MARK3: variants seen among roughly 807,000 people sequenced by gnomAD.
MARK3 encodes the protein microtubule affinity regulating kinase 3.
Under a neutral mutation model 90.1 loss-of-function variants are expected in MARK3, and 46 were observed. The observed-to-expected ratio is 0.51, with a 90% confidence interval of 0.40 to 0.65. The LOEUF (loss-of-function observed/expected upper bound fraction) is 0.65. Ranked by LOEUF, MARK3 falls within the 30% of genes least tolerant of loss-of-function variation. The pLI, the probability that MARK3 is intolerant of heterozygous loss-of-function variation, is 0.00. For synonymous variants in MARK3, 321 were observed against 332.6 expected, an observed-to-expected ratio of 0.97 and a Z score of 0.38; for missense variants, 818 against 947.2, an observed-to-expected ratio of 0.86 and a Z score of 1.79.
chr14:103,480,344 T>G lies in MARK3; in HGVS notation c.1483-43T>G, dbSNP rs766078468. ...AAGTTCATTTTTTCTCATTGTACTG[T>G]ATTTACCAAATAAATTTAAGACAAA... On this transcript the variant is annotated intron_variant, in intron 13 of 17. Coordinates refer to ENST00000429436, the MANE Select transcript of MARK3 (RefSeq NM_001128918.3). The G allele has an allele frequency of 6.8e-6, 8 of 1,177,836 alleles. No individual in the cohort carries two copies. The East Asian group carries it at 1.6e-4, about 24-fold the overall frequency. The allele number at this position is 1,177,836 out of a possible 1,614,324, so 73.0% of individuals were successfully genotyped here. A position where few individuals can be genotyped will look rare whatever the true frequency, so the allele number is the denominator to read the frequency against.
At chr14:103,446,342 G>T (rs376092031) in intron 3 of MARK3, among the ~76,000 whole-genome samples, 1 of 152,022 alleles carries the variant, frequency 6.6e-6, no homozygotes, top group Non-Finnish European at 1.5e-5. Flanking sequence ...CCTGGCCAAC[G>T]TGGCAAAACC....
intron 4 of MARK3, among the ~76,000 whole-genome samples, chr14:103,451,049 G>T (rs1166841301): frequency 1.4e-5 from 2 of 147,430 alleles, no homozygotes; most frequent in Non-Finnish European, 3.0e-5. Flanking sequence ...TCCCACCTCA[G>T]CCTCCCGAGT....
chr14:103,432,549 G>A (rs1206239668), intron 3 of MARK3, among the ~76,000 whole-genome samples: 1 of 135,656 alleles, frequency 7.4e-6, no homozygotes, highest in Non-Finnish European at 1.7e-5. Flanking sequence ...GACAGGCAAA[G>A]GCTGAAGAAG....
chr14:103,402,065 C>A (rs2090996650), intron 1 of MARK3, among the ~76,000 whole-genome samples: 4 of 152,094 alleles, frequency 2.6e-5, no homozygotes, highest in African/African-American at 7.2e-5. Context: ...TAACATTCAG[C>A]AAAAATGTAT....
At chr14:103,424,458 C>T (rs1025507854) in intron 2 of MARK3, among the ~76,000 whole-genome samples, 3 of 150,354 alleles carry the variant, frequency 2.0e-5, no homozygotes, top group Non-Finnish European at 4.4e-5. Flanking sequence ...CTGCGGAAGT[C>T]GAGGCTGCAA....
At chr14:103,395,204 A>G (rs987377949) in intron 1 of MARK3, among the ~76,000 whole-genome samples, 3 of 152,238 alleles carry the variant, frequency 2.0e-5, no homozygotes, top group Non-Finnish European at 4.4e-5. Context: ...AATGGACCTC[A>G]TAAGATGGAG....
Position 103,387,935 on chromosome 14 carries a change from C to T in MARK3, c.51+1855C>T, listed in dbSNP as rs545982611. ...GAAGGATTTCAAATGGGTCTTTTTT[C>T]TTTCTTTCTTTTTTGAGATGGAGTC... On this transcript the variant is annotated intron_variant, in intron 1 of 17. Transcript: ENST00000429436. 2.4e-4 allele frequency among the ~76,000 whole-genome samples: 37 copies of T among 151,358 alleles called. No individual in the cohort carries two copies. The East Asian group carries it at 7.3e-3, about 30-fold the overall frequency.
chr14:103,500,245 T>C, intron 17 of MARK3, 45 bp downstream of exon 17: 2 of 1,416,768 alleles, frequency 1.4e-6, no homozygotes, highest in Non-Finnish European at 1.9e-6. Context: ...AGGTGTTTAC[T>C]TCATTTCTGT....
chr14:103,431,459 C>T (rs539194574), intron 3 of MARK3, among the ~76,000 whole-genome samples: 1 of 151,978 alleles, frequency 6.6e-6, no homozygotes, highest in Non-Finnish European at 1.5e-5. Flanking sequence ...GGTGAAACCG[C>T]GTCTCTACTA....
chr14:103,395,070 G>A (rs1033138606), intron 1 of MARK3, among the ~76,000 whole-genome samples: 1 of 152,182 alleles, frequency 6.6e-6, no homozygotes, highest in Non-Finnish European at 1.5e-5. Context: ...ATGAGCCACA[G>A]CGCCTGGCCA....
At chr14:103,445,794 TG>T (rs2092979473) in intron 3 of MARK3, among the ~76,000 whole-genome samples, 1 of 152,220 alleles carries the variant, frequency 6.6e-6, no homozygotes, top group Non-Finnish European at 1.5e-5. Context: ...TCTGCTGTAC[TG>T]TTAGTAGAGA....
chr14:103,411,950 G>A (rs1478432271), intron 2 of MARK3, among the ~76,000 whole-genome samples: 1 of 39,220 alleles, frequency 2.5e-5, no homozygotes, highest in Non-Finnish European at 6.6e-5. Context: ...AATTTTCATA[G>A]CTTTTTTTTT....
chr14:103,478,296 A>G (rs1475280512), intron 13 of MARK3, among the ~76,000 whole-genome samples: 1 of 64,896 alleles, frequency 1.5e-5, no homozygotes, highest in Non-Finnish European at 3.9e-5. Context: ...CTCCATCTCA[A>G]AAAAAAAAAA....
intron 5 of MARK3, among the ~76,000 whole-genome samples, chr14:103,455,961 ATATC>A (rs1332933210): frequency 6.6e-6 from 1 of 152,226 alleles, no homozygotes; most frequent in Non-Finnish European, 1.5e-5. Flanking sequence ...GAAAACACTT[ATATC>A]TAATTTTCTA....
intron 6 of MARK3, among the ~76,000 whole-genome samples, chr14:103,461,977 A>T (rs527661815): frequency 3.0e-4 from 45 of 151,078 alleles, no homozygotes; most frequent in African/African-American, 1.0e-3. Context: ...GGGAGGTTGC[A>T]GTGAGCCAAG....
At position 103,467,145 on chromosome 14, in the gene MARK3, A is replaced by G. The variant is rs1595817590; in HGVS notation, c.1064A>G (p.Asp355Gly). 6.2e-7 allele frequency: 1 copy of G among 1,604,118 alleles called. No individual in the cohort carries two copies. Among genetic ancestry groups the G allele is most frequent in the Non-Finnish European group, 8.5e-7 (1 of 1,173,054 alleles). ...GAATCTCTTAGTAAGATGAAATACG[A>G]TGAAATCACAGCTACATATTTGTTA... ...IQESLSKMKY[D>G]EITATYLLLG... is the part of the protein sequence containing the mutation. Residue 355 changes from aspartate to glycine, a missense_variant, in exon 11 of 18, where the codon GAT becomes GGT. Physicochemically the swap from Asp to Gly is moderately conservative, Grantham distance 94. Around this residue, in one of 3 missense-constraint regions of MARK3, gnomAD observed 560 missense variants for 613.5 expected, o/e 0.91. Transcript: ENST00000429436.
At chr14:103,443,753 TAAG>T (rs1185070939) in intron 3 of MARK3, among the ~76,000 whole-genome samples, 1 of 152,350 alleles carries the variant, frequency 6.6e-6, no homozygotes, top group African/African-American at 2.4e-5. Flanking sequence ...CTCTGTATAT[TAAG>T]AAGCAAATTT....
At chr14:103,492,383 C>T (rs2094032283) in intron 15 of MARK3, among the ~76,000 whole-genome samples, 1 of 152,080 alleles carries the variant, frequency 6.6e-6, no homozygotes, top group South Asian at 2.1e-4. Context: ...CACTCTGTAA[C>T]AATCAGCAGG....
intron 1 of MARK3, chr14:103,386,522 G>C: frequency 2.5e-6 from 1 of 399,306 alleles, no homozygotes; most frequent in Non-Finnish European, 5.0e-6. Flanking sequence ...AATCGATTGG[G>C]TCAAGTGGGC....
Sources: allele counts gnomAD v4.1 joint callset (sites outside exome capture counted in the v4.1 genomes callset), GRCh38; gene constraint gnomAD v4.1.1; regional missense constraint gnomAD v4.1.1; transcripts MANE v1.5; gene names NCBI Gene and HGNC (gene_info 2026-07-23, HGNC 2026-07-21).